The following CDH13 variants were observed in gnomAD, a reference collection of about 807,000 sequenced individuals.
The protein encoded by CDH13 is cadherin-13.
CDH13 carries 24 observed loss-of-function variants against 63.8 expected under a neutral mutation model. The observed-to-expected ratio is 0.38, with a 90% CI of 0.27 to 0.53. CDH13 has a LOEUF of 0.53. Ranked by LOEUF, CDH13 falls within the 20% of genes least tolerant of loss-of-function variation. CDH13 has a pLI of 0.85. For missense variants in CDH13, 1,049 were observed against 903.1 expected (o/e 1.16, Z -2.07); for synonymous variants, 503 against 355.3 (o/e 1.42, Z -4.67).
At chr16:82,791,994 C>G (rs2036330125) in intron 1 of CDH13, among the ~76,000 whole-genome samples, 1 of 152,164 alleles carries the variant, frequency 6.6e-6, no homozygotes, top group African/African-American at 2.4e-5. Flanking sequence ...GATTACAATT[C>G]AAGATGAGAT....
intron 2 of CDH13, among the ~76,000 whole-genome samples, chr16:82,947,371 A>T (rs1287196371): frequency 2.6e-5 from 4 of 152,182 alleles, no homozygotes; most frequent in African/African-American, 4.8e-5. Flanking sequence ...TTTCAGAATT[A>T]AAAAATATTA....
At chr16:83,278,874 G>C (rs949790794) in intron 5 of CDH13, among the ~76,000 whole-genome samples, 1 of 152,186 alleles carries the variant, frequency 6.6e-6, no homozygotes, top group Non-Finnish European at 1.5e-5. Context: ...AGGGGAAAGG[G>C]CAGGATGTTG....
At chr16:83,105,076 T>C (rs1448793430) in intron 3 of CDH13, among the ~76,000 whole-genome samples, 1 of 152,182 alleles carries the variant, frequency 6.6e-6, no homozygotes, top group Non-Finnish European at 1.5e-5. Context: ...GGTAAACGTG[T>C]GCCATGGCGG....
At chr16:83,114,200 T>G (rs762820090) in intron 3 of CDH13, among the ~76,000 whole-genome samples, 13 of 152,224 alleles carry the variant, frequency 8.5e-5, no homozygotes, top group Admixed American at 5.9e-4. Flanking sequence ...TGATTAGTTA[T>G]TGGACCTTCG....
Position 83,436,014 on chromosome 16 carries a change from G to T in CDH13, c.782-50463G>T, listed in dbSNP as rs2072290451. On this transcript the variant is annotated intron_variant, in intron 6 of 13. Transcript: ENST00000567109. ...GGATACATTTGACAATGTCTGGAGG[G>T]TTGTCATGACTCAGGGATGCTAGTG... Among the ~76,000 whole-genome samples, 7 of 152,294 alleles carry T rather than the reference G, an allele frequency of 4.6e-5. No individual in the cohort carries two copies. In the South Asian group the frequency reaches 1.5e-3, roughly 32 times the overall value.
chr16:82,988,156 G>A (rs1183326923), intron 2 of CDH13, among the ~76,000 whole-genome samples: 1 of 152,160 alleles, frequency 6.6e-6, no homozygotes, highest in Non-Finnish European at 1.5e-5. Context: ...GGTCGTGTGT[G>A]TACATGCATA....
chr16:83,098,884 GA>G (rs1222625973), intron 3 of CDH13, among the ~76,000 whole-genome samples: 3 of 152,090 alleles, frequency 2.0e-5, no homozygotes, highest in Admixed American at 1.3e-4. Flanking sequence ...TCAATGCTGG[GA>G]AAAAAGGTTA....
At chr16:82,662,313 GT>G (rs1912044130) in intron 1 of CDH13, among the ~76,000 whole-genome samples, 1 of 150,666 alleles carries the variant, frequency 6.6e-6, no homozygotes, top group South Asian at 2.1e-4. Flanking sequence ...GTCGGCATTA[GT>G]TACCTTGAGG....
At chr16:83,562,235 AATC>A (rs1380241874) in intron 7 of CDH13, among the ~76,000 whole-genome samples, 3 of 152,226 alleles carry the variant, frequency 2.0e-5, no homozygotes, top group African/African-American at 7.2e-5. Context: ...TGGATAGGGC[AATC>A]AAATTCTTGA....
At chr16:82,730,546 A>T (rs567221770) in intron 1 of CDH13, among the ~76,000 whole-genome samples, 20 of 152,322 alleles carry the variant, frequency 1.3e-4, no homozygotes, top group Admixed American at 4.6e-4. Context: ...AACATCAAAG[A>T]TCACTGATCA....
intron 8 of CDH13, among the ~76,000 whole-genome samples, chr16:83,646,710 A>AAAAAAAAAC (rs1567478069): frequency 1.3e-5 from 1 of 76,716 alleles, no homozygotes; most frequent in Non-Finnish European, 3.2e-5. Flanking sequence ...AAAAAAAAAA[A>AAAAAAAAAC]AAACACACAC....
chr16:83,762,709 G>C (rs772233056), intron 11 of CDH13, among the ~76,000 whole-genome samples: 51 of 152,192 alleles, frequency 3.4e-4, no homozygotes, highest in Non-Finnish European at 6.9e-4. Flanking sequence ...TCACTGCTCA[G>C]AATTCTCTGA....
intron 4 of CDH13, among the ~76,000 whole-genome samples, chr16:83,136,977 T>C (rs542506121): frequency 6.6e-6 from 1 of 152,188 alleles, no homozygotes; most frequent in African/African-American, 2.4e-5. Flanking sequence ...TCTCTGAATG[T>C]TTAACAATGG....
intron 10 of CDH13, among the ~76,000 whole-genome samples, chr16:83,716,708 C>T (rs72797286): frequency 0.26 from 39,228 of 151,998 alleles, 5,535 homozygotes; most frequent in Middle Eastern, 0.34. Flanking sequence ...GGTCTCAAAT[C>T]CCTGACCTCA....
intron 1 of CDH13, among the ~76,000 whole-genome samples, chr16:82,710,874 C>T (rs1019310179): frequency 2.0e-4 from 30 of 150,878 alleles, no homozygotes; most frequent in African/African-American, 7.1e-4. Context: ...TCAAACAGCC[C>T]ATTATAAGCA....
intron 1 of CDH13, among the ~76,000 whole-genome samples, chr16:82,828,204 G>A (rs2038346181): frequency 6.6e-6 from 1 of 152,216 alleles, no homozygotes. Context: ...GCAAGGGTTA[G>A]AGAAAAGCTT....
Position 83,225,924 on chromosome 16 carries a change from G to A in CDH13, c.636+8427G>A, listed in dbSNP as rs555149528. ...GAATATCAAGCGAGACAATGCAGGG[G>A]TTTCTAACACAAAATAAAAGTCAAA... On this transcript the variant is annotated intron_variant, in intron 5 of 13. Coordinates refer to ENST00000567109, the MANE Select transcript of CDH13 (RefSeq NM_001257.5). 1.1e-4 allele frequency among the ~76,000 whole-genome samples: 17 copies of A among 152,262 alleles called. No individual in the cohort carries two copies. The East Asian group carries it at 3.1e-3, about 28-fold the overall frequency.
At chr16:83,171,646 A>C in intron 4 of CDH13, 1 of 1,208,794 alleles carries the variant, frequency 8.3e-7, no homozygotes, top group Non-Finnish European at 1.2e-6. Flanking sequence ...CCTATATGCC[A>C]TCAGGGGATT....
intron 2 of CDH13, among the ~76,000 whole-genome samples, chr16:82,917,179 G>C (rs1481076438): frequency 6.6e-6 from 1 of 152,182 alleles, no homozygotes; most frequent in Non-Finnish European, 1.5e-5. Flanking sequence ...AAATAAGAGA[G>C]AAGAAAGGAC....
Sources: gnomAD v4.1 joint callset for allele counts (sites outside exome capture counted in the v4.1 genomes callset) on GRCh38, gnomAD v4.1.1 for gene constraint, MANE v1.5 for transcripts, NCBI Gene and HGNC (gene_info 2026-07-23, HGNC 2026-07-21) for gene names.